Variants in AKT3 observed in about 807,000 individuals in gnomAD.
The protein encoded by AKT3 is AKT serine/threonine kinase 3, also known as RAC-gamma serine/threonine-protein kinase.
Under a neutral mutation model 65.3 loss-of-function variants are expected in AKT3, and 15 were observed. The ratio of observed to expected loss-of-function variants is 0.23; its 90% CI spans 0.15 to 0.35. AKT3 has a LOEUF of 0.35. Ranked by LOEUF, AKT3 falls within the 10% of genes least tolerant of loss-of-function variation. AKT3 has a pLI of 1.00. For missense variants in AKT3, 243 were observed against 576.5 expected, an observed-to-expected ratio of 0.42 and a Z score of 5.92; for synonymous variants, 206 against 183.8, an observed-to-expected ratio of 1.12 and a Z score of -0.98.
intron 2 of AKT3, among the ~76,000 whole-genome samples, chr1:243,801,280 T>G (rs958467276): frequency 8.5e-5 from 13 of 152,196 alleles, no homozygotes; most frequent in Admixed American, 6.5e-4. Flanking sequence ...CTATGAGAGA[T>G]ATGGAGATTG....
intron 2 of AKT3, among the ~76,000 whole-genome samples, chr1:243,726,914 A>C (rs970456216): frequency 5.3e-4 from 81 of 152,236 alleles, no homozygotes; most frequent in Admixed American, 5.0e-3. Flanking sequence ...AAAGCAGATA[A>C]GATTCTGCCA....
At chr1:243,606,183 C>G (rs1178286725) in intron 8 of AKT3, among the ~76,000 whole-genome samples, 2 of 152,118 alleles carry the variant, frequency 1.3e-5, no homozygotes, top group Non-Finnish European at 2.9e-5. Context: ...ACATTGGTAC[C>G]ACAGAGAGTG....
intron 7 of AKT3, among the ~76,000 whole-genome samples, 192 bp downstream of exon 7, chr1:243,614,904 G>A (rs185492409): frequency 2.0e-5 from 3 of 152,180 alleles, no homozygotes; most frequent in Non-Finnish European, 4.4e-5. Context: ...TGCATAATGG[G>A]AGGAATTATC....
At chr1:243,705,690 T>C (rs539312909) in intron 2 of AKT3, among the ~76,000 whole-genome samples, 30 of 152,272 alleles carry the variant, frequency 2.0e-4, no homozygotes, top group African/African-American at 7.2e-4. Flanking sequence ...GAAAGCATCC[T>C]GGCAATTTAA....
At chr1:243,845,564 G>A (rs905377562) in intron 1 of AKT3, among the ~76,000 whole-genome samples, 16 of 109,504 alleles carry the variant, frequency 1.5e-4, no homozygotes, top group African/African-American at 5.5e-4. Flanking sequence ...GACCGTGCCT[G>A]GGTGCTACAG....
chr1:243,796,459 C>T (rs189982892), intron 2 of AKT3, among the ~76,000 whole-genome samples: 1 of 152,316 alleles, frequency 6.6e-6, no homozygotes, highest in African/African-American at 2.4e-5. Flanking sequence ...CAGATTAAGT[C>T]ACTCCCCCAC....
chr1:243,800,458 G>A (rs555374552), intron 2 of AKT3, among the ~76,000 whole-genome samples: 2 of 152,316 alleles, frequency 1.3e-5, no homozygotes, highest in East Asian at 3.9e-4. Context: ...AGTGGCTCAC[G>A]CCTGTAATGC....
intron 2 of AKT3, among the ~76,000 whole-genome samples, chr1:243,778,134 T>G (rs1415380321): frequency 6.6e-6 from 1 of 152,160 alleles, no homozygotes; most frequent in Non-Finnish European, 1.5e-5. Flanking sequence ...ATGTCTCCAT[T>G]AAAGACTATA....
upstream of AKT3, among the ~76,000 whole-genome samples, chr1:243,850,587 T>A (rs955444313): frequency 1.3e-5 from 2 of 149,788 alleles, no homozygotes; most frequent in East Asian, 2.0e-4. Flanking sequence ...CCGCCGCCGA[T>A]CGGTTCTCGC....
chr1:243,667,152 G>A (rs989934202), intron 3 of AKT3, among the ~76,000 whole-genome samples: 1 of 152,188 alleles, frequency 6.6e-6, no homozygotes, highest in Non-Finnish European at 1.5e-5. Flanking sequence ...ATGAACTACT[G>A]TAAGTGGGAG....
At position 243,500,995 on chromosome 1, in the gene AKT3, A is replaced by AATT. The variant is rs1259260908; in HGVS notation, c.*4251_*4253dup. The AATT allele has an allele frequency of 4.4e-6, 1 of 228,734 alleles. No homozygotes were observed. The highest frequency in any genetic ancestry group is 2.2e-5 in the African/African-American group (1 of 45,092). The allele number at this position is 228,734 out of a possible 1,614,324, so 14.2% of individuals were successfully genotyped here. A position where few individuals can be genotyped will look rare whatever the true frequency, so the allele number is the denominator to read the frequency against. On this transcript the variant is annotated 3_prime_UTR_variant, in exon 14 of 14. Coordinates refer to ENST00000673466, the MANE Select transcript of AKT3 (RefSeq NM_005465.7). ...TATTCTAAAAATAGCACCTTTAAAG[A>AATT]ATTATAGAGGTCACTTTTTTTTAGC... is the stretch of plus-strand genomic sequence containing the variant.
chr1:243,818,168 C>T (rs1693642426), intron 2 of AKT3: 1 of 152,184 alleles, frequency 6.6e-6, no homozygotes, highest in Admixed American at 6.5e-5. Context: ...ATACAAATCT[C>T]GATTTTGCAG....
At chr1:243,795,129 CTA>C (rs1191862347) in intron 2 of AKT3, among the ~76,000 whole-genome samples, 2 of 150,768 alleles carry the variant, frequency 1.3e-5, no homozygotes, top group Admixed American at 6.6e-5. Context: ...CTCCACCTCT[CTA>C]TGTCTACTTT....
intron 9 of AKT3, among the ~76,000 whole-genome samples, chr1:243,572,024 G>A (rs1674598632): frequency 6.6e-6 from 1 of 152,078 alleles, no homozygotes; most frequent in South Asian, 2.1e-4. Flanking sequence ...GATCAATAAG[G>A]CAATTCTGTG....
In AKT3 at chr1:243,504,182, G is replaced by A; in HGVS notation, c.*1067C>T. 4.6e-6 allele frequency: 1 copy of A among 216,354 alleles called. No individual in the cohort carries two copies. The highest frequency in any genetic ancestry group is 6.9e-5 in the East Asian group (1 of 14,510). The allele number at this position is 216,354 out of a possible 1,614,324, so 13.4% of individuals were successfully genotyped here. ...GCAGTAAGTCTATTTTATATAAGTTGGAGCTGCGTTTGCTAACATGACATA... is the reference window on the plus strand; with the variant it reads ...GCAGTAAGTCTATTTTATATAAGTTAGAGCTGCGTTTGCTAACATGACATA... On this transcript the variant is annotated 3_prime_UTR_variant, in exon 14 of 14. Transcript: ENST00000673466.
intron 12 of AKT3, among the ~76,000 whole-genome samples, chr1:243,538,132 G>A (rs1051358949): frequency 3.3e-5 from 5 of 152,096 alleles, no homozygotes; most frequent in Non-Finnish European, 7.4e-5. Flanking sequence ...ACCATGTATT[G>A]TGGTGTTTAT....
At chr1:243,675,741 G>C (rs1232048931) in intron 3 of AKT3, among the ~76,000 whole-genome samples, 2 of 151,768 alleles carry the variant, frequency 1.3e-5, no homozygotes, top group African/African-American at 4.8e-5. Flanking sequence ...GATGTTCTTG[G>C]CTCCCTATCC....
intron 2 of AKT3, among the ~76,000 whole-genome samples, chr1:243,737,890 T>C (rs1250229613): frequency 6.6e-6 from 1 of 152,172 alleles, no homozygotes. Flanking sequence ...TATGAAAAGA[T>C]TCCAAAACAT....
chr1:243,675,223 G>A (rs574861961), intron 3 of AKT3, among the ~76,000 whole-genome samples: 1 of 151,782 alleles, frequency 6.6e-6, no homozygotes, highest in African/African-American at 2.4e-5. Flanking sequence ...TTTTTGAGAT[G>A]GAGCCTTGCT....
Sources: allele counts gnomAD v4.1 joint callset (sites outside exome capture counted in the v4.1 genomes callset), GRCh38; gene constraint gnomAD v4.1.1; transcripts MANE v1.5; gene names NCBI Gene and HGNC (gene_info 2026-07-23, HGNC 2026-07-21).